Variants in EPM2A observed in about 807,000 individuals in gnomAD.
EPM2A encodes the protein laforin.
A neutral mutation model predicts 26.5 loss-of-function variants in EPM2A; 21 were observed. That is an observed-to-expected ratio of 0.79 (90% CI 0.56 to 1.14). The LOEUF (loss-of-function observed/expected upper bound fraction) is 1.14. Among genes scored for constraint, EPM2A ranks in the 50% most tolerant of loss-of-function variants. The pLI is 0.00. For missense variants in EPM2A, 458 were observed against 440.8 expected, an observed-to-expected ratio of 1.04 and a Z score of -0.35; for synonymous variants, 217 against 177.6, an observed-to-expected ratio of 1.22 and a Z score of -1.76.
chr6:145,492,004 C>T (rs430561), intron 4 of EPM2A: 188,300 of 399,610 alleles, frequency 0.47, 44,889 homozygotes, highest in South Asian at 0.58. Flanking sequence ...AAACCAGTCC[C>T]GATCTTGCTG....
chr6:145,716,038 C>A (rs1775600572), intron 1 of EPM2A, among the ~76,000 whole-genome samples: 1 of 152,170 alleles, frequency 6.6e-6, no homozygotes, highest in Admixed American at 6.5e-5. Context: ...AGGTTAGGGA[C>A]CACTGCTTTA....
rs1296995974 is a variant in EPM2A, at chr6:145,607,966, T to A, written c.340+27279A>T. ...TGTTACTGCCTTGCTGTTTCTCTCC[T>A]GTCCTTAACACTCTGTCACTGACAA... On this transcript the variant is annotated intron_variant, in intron 2 of 3. Transcript: ENST00000450221. 3.9e-5 allele frequency among the ~76,000 whole-genome samples: 6 copies of A among 152,218 alleles called. No individual in the cohort carries two copies. The East Asian group carries it at 1.2e-3, about 29-fold the overall frequency.
intron 2 of EPM2A, among the ~76,000 whole-genome samples, chr6:145,606,731 G>A (rs997525675): frequency 3.3e-5 from 5 of 152,098 alleles, no homozygotes; most frequent in African/African-American, 9.7e-5. Context: ...TCATGGAAGA[G>A]CAGAAATTTG....
intron 1 of EPM2A, among the ~76,000 whole-genome samples, chr6:145,709,989 T>C (rs1265557485): frequency 6.6e-6 from 1 of 152,174 alleles, no homozygotes; most frequent in Non-Finnish European, 1.5e-5. Context: ...AAAACTTAAC[T>C]GTTAGACCTA....
At chr6:145,451,657 A>G (rs1236298976) in intron 4 of EPM2A, among the ~76,000 whole-genome samples, 1 of 152,260 alleles carries the variant, frequency 6.6e-6, no homozygotes, top group Non-Finnish European at 1.5e-5. Context: ...TAAAATGTAA[A>G]TCAATATCAA....
At chr6:145,467,769 C>T (rs1247837538) in intron 4 of EPM2A, among the ~76,000 whole-genome samples, 1 of 151,962 alleles carries the variant, frequency 6.6e-6, no homozygotes, top group Non-Finnish European at 1.5e-5. Context: ...TTTATATATC[C>T]TTCAAAGAGT....
At chr6:145,596,865 T>G (rs1218561904) in intron 2 of EPM2A, among the ~76,000 whole-genome samples, 1 of 143,808 alleles carries the variant, frequency 7.0e-6, no homozygotes, top group African/African-American at 2.5e-5. Flanking sequence ...TTGTATATGC[T>G]CTCTCCGAGA....
chr6:145,561,467 G>A (rs1379390912), intron 2 of EPM2A, among the ~76,000 whole-genome samples: 1 of 152,010 alleles, frequency 6.6e-6, no homozygotes, highest in East Asian at 1.9e-4. Flanking sequence ...TTGTATATTT[G>A]AATTTGAAAT....
chr6:145,626,168 C>T lies in EPM2A; in HGVS notation c.*1248G>A. 9.9e-7 allele frequency: 1 copy of T among 1,008,516 alleles called. No individual in the cohort carries two copies. Among genetic ancestry groups the T allele is most frequent in the Non-Finnish European group, 1.2e-6 (1 of 843,544 alleles). 62.5% of individuals were successfully genotyped at this position (1,008,516 alleles called of 1,614,324 possible). On this transcript the variant is annotated 3_prime_UTR_variant, in exon 4 of 4. Transcript: ENST00000367519. ...TCTATTCTAGCATATCATTCATGGT[C>T]CAATCCTGCATTACAGTTGGTTGAA...
At chr6:145,683,624 A>T (rs12195117) in intron 2 of EPM2A, among the ~76,000 whole-genome samples, 12,764 of 152,132 alleles carry the variant, frequency 0.084, 566 homozygotes, top group Middle Eastern at 0.12. Flanking sequence ...GAAGCTGAAG[A>T]AATACTCTAT....
intron 4 of EPM2A, among the ~76,000 whole-genome samples, chr6:145,390,969 T>C (rs1778329810): frequency 6.6e-6 from 1 of 152,106 alleles, no homozygotes; most frequent in African/African-American, 2.4e-5. Context: ...CCAGAGGAGT[T>C]GGTGATGTGT....
At position 145,715,709 on chromosome 6, in the gene EPM2A, C is replaced by A. The variant is rs150731005; in HGVS notation, c.301+19489G>T. Among the ~76,000 whole-genome samples, 294 of 152,190 alleles carry A rather than the reference C, an allele frequency of 1.9e-3. 4 individuals carry two copies. In the East Asian group the frequency reaches 0.041, roughly 21 times the overall value. ...CAGTAGATTCTCATAGGAGTGCAAA[C>A]CCTATTGTGAACTGCACTTGGGAGA... On this transcript the variant is annotated intron_variant, in intron 1 of 3. Coordinates refer to ENST00000367519, the MANE Select transcript of EPM2A (RefSeq NM_005670.4).
chr6:145,632,008 A>G (rs1475428675), intron 3 of EPM2A: 1 of 152,194 alleles, frequency 6.6e-6, no homozygotes, highest in East Asian at 1.9e-4. Flanking sequence ...CATTATCTAT[A>G]ACATCCTTTG....
chr6:145,540,026 C>A (rs9485002), intron 2 of EPM2A, among the ~76,000 whole-genome samples: 13,501 of 152,138 alleles, frequency 0.089, 729 homozygotes, highest in East Asian at 0.17. Context: ...TTTTATCCTG[C>A]CTTGGCTGTT....
At chr6:145,669,924 T>C (rs1779523705) in intron 2 of EPM2A, among the ~76,000 whole-genome samples, 1 of 152,162 alleles carries the variant, frequency 6.6e-6, no homozygotes, top group Non-Finnish European at 1.5e-5. Context: ...ATGACCTTGC[T>C]TCCTATTTCA....
chr6:145,647,176 GC>G (rs1777538737), intron 2 of EPM2A, among the ~76,000 whole-genome samples: 1 of 152,090 alleles, frequency 6.6e-6, no homozygotes, highest in African/African-American at 2.4e-5. Flanking sequence ...AATATCCATC[GC>G]TTTTATATAA....
intron 2 of EPM2A, among the ~76,000 whole-genome samples, chr6:145,656,884 A>G (rs1161801778): frequency 6.6e-6 from 1 of 152,174 alleles, no homozygotes; most frequent in African/African-American, 2.4e-5. Context: ...AGTCTTATAA[A>G]TGAAAATGTA....
chr6:145,568,446 G>C (rs1582860915), intron 2 of EPM2A, among the ~76,000 whole-genome samples: 1 of 151,518 alleles, frequency 6.6e-6, no homozygotes, highest in South Asian at 2.1e-4. Flanking sequence ...CAGCCTCCCT[G>C]GTAGCTGGGA....
At chr6:145,580,803 G>A (rs1399822803) in intron 2 of EPM2A, among the ~76,000 whole-genome samples, 2 of 152,086 alleles carry the variant, frequency 1.3e-5, no homozygotes, top group African/African-American at 2.4e-5. Flanking sequence ...ATTCACTTAG[G>A]ATAATGGCCT....
Sources: gnomAD v4.1 joint callset for allele counts (sites outside exome capture counted in the v4.1 genomes callset) on GRCh38, gnomAD v4.1.1 for gene constraint, MANE v1.5 for transcripts, NCBI Gene and HGNC (gene_info 2026-07-23, HGNC 2026-07-21) for gene names.